GCNT2: variants seen among roughly 807,000 people sequenced by gnomAD.
GCNT2 encodes the protein N-acetyllactosaminide beta-1,6-N-acetylglucosaminyl-transferase.
GCNT2 carries 34 observed loss-of-function variants against 34.2 expected under a neutral mutation model. That is an observed-to-expected ratio of 1.00 (90% confidence interval 0.76 to 1.32). GCNT2 has a LOEUF of 1.32. Ranked by LOEUF, GCNT2 falls within the 40% of genes most tolerant of loss-of-function variation. The pLI is 0.00. For missense variants in GCNT2, 584 were observed against 489.4 expected (o/e 1.19, Z -1.82); for synonymous variants, 212 against 188.0 (o/e 1.13, Z -1.04).
intron 3 of GCNT2, among the ~76,000 whole-genome samples, chr6:10,535,535 A>G (rs1422008355): frequency 6.6e-6 from 1 of 150,444 alleles, no homozygotes; most frequent in Admixed American, 6.6e-5. Context: ...CTCCTGAGTT[A>G]TTATTGATCC....
At chr6:10,581,680 G>C (rs1764073645) in intron 3 of GCNT2, 1 of 849,768 alleles carries the variant, frequency 1.2e-6, no homozygotes, top group South Asian at 5.4e-5. Flanking sequence ...AGTTTGTTTT[G>C]CATTGGCACT....
chr6:10,556,093 C>A, intron 3 of GCNT2: 1 of 1,213,742 alleles, frequency 8.2e-7, no homozygotes, highest in Non-Finnish European at 1.0e-6. Flanking sequence ...CTAAATCTGC[C>A]GGGGGAAAGA....
intron 3 of GCNT2, among the ~76,000 whole-genome samples, chr6:10,549,589 T>G (rs1248484832): frequency 2.8e-5 from 3 of 108,506 alleles, no homozygotes; most frequent in Non-Finnish European, 3.7e-5. Context: ...TTTTTTTTTT[T>G]GAGACAGGGT....
At chr6:10,625,836 A>C (rs1474225398) in intron 4 of GCNT2, among the ~76,000 whole-genome samples, 2 of 152,228 alleles carry the variant, frequency 1.3e-5, no homozygotes, top group Non-Finnish European at 2.9e-5. Context: ...GATAAAGTTT[A>C]ATTTTTGAAG....
At chr6:10,612,554 C>A (rs915405118) in intron 3 of GCNT2, among the ~76,000 whole-genome samples, 1 of 152,142 alleles carries the variant, frequency 6.6e-6, no homozygotes, top group Non-Finnish European at 1.5e-5. Flanking sequence ...AAAAAGCGGT[C>A]TTTTCCACAG....
At chr6:10,557,302 T>C in intron 3 of GCNT2, 1 of 1,614,022 alleles carries the variant, frequency 6.2e-7, no homozygotes, top group Non-Finnish European at 8.5e-7. Context: ...ACACTTTCAG[T>C]CCTGATGAGC....
At chr6:10,547,049 A>G (rs1256063363) in intron 3 of GCNT2, among the ~76,000 whole-genome samples, 1 of 152,178 alleles carries the variant, frequency 6.6e-6, no homozygotes, top group African/African-American at 2.4e-5. Flanking sequence ...TTTATTTTAA[A>G]CTAGTTCAAA....
intron 3 of GCNT2, among the ~76,000 whole-genome samples, chr6:10,564,492 G>C (rs112371314): frequency 3.3e-5 from 5 of 152,180 alleles, no homozygotes; most frequent in Non-Finnish European, 7.3e-5. Flanking sequence ...GAGTCAGAGA[G>C]AACCAGGTTG....
At chr6:10,538,147 C>A (rs1248047757) in intron 3 of GCNT2, among the ~76,000 whole-genome samples, 1 of 151,842 alleles carries the variant, frequency 6.6e-6, no homozygotes, top group Non-Finnish European at 1.5e-5. Flanking sequence ...GTGGCTCACG[C>A]ATGTAATCCT....
intron 3 of GCNT2, among the ~76,000 whole-genome samples, chr6:10,581,230 A>G (rs944775400): frequency 2.6e-5 from 4 of 152,064 alleles, no homozygotes; most frequent in African/African-American, 7.2e-5. Context: ...AATGATGTAC[A>G]TGGTTTTGGG....
intron 3 of GCNT2, among the ~76,000 whole-genome samples, chr6:10,604,713 T>C (rs1197143345): frequency 6.6e-6 from 1 of 151,746 alleles, no homozygotes; most frequent in Non-Finnish European, 1.5e-5. Context: ...ATACAAAAAT[T>C]AGCCAGGCAC....
chr6:10,615,360 G>T (rs1765714867), intron 3 of GCNT2, among the ~76,000 whole-genome samples: 2 of 152,154 alleles, frequency 1.3e-5, no homozygotes. Flanking sequence ...TGTTACCCAG[G>T]CTAAAGTGCA....
chr6:10,523,142 A>G (rs539664), intron 1 of GCNT2, among the ~76,000 whole-genome samples: 2 of 152,150 alleles, frequency 1.3e-5, no homozygotes, highest in Non-Finnish European at 2.9e-5. Flanking sequence ...GCTTTCAGCC[A>G]GGCGCGGTGT....
At chr6:10,579,885 G>A (rs529240170) in intron 3 of GCNT2, among the ~76,000 whole-genome samples, 5 of 149,912 alleles carry the variant, frequency 3.3e-5, no homozygotes, top group Non-Finnish European at 4.4e-5. Flanking sequence ...TATAAATGCC[G>A]GTATCCTTAC....
intron 3 of GCNT2, among the ~76,000 whole-genome samples, chr6:10,541,118 C>T (rs1762018967): frequency 6.6e-6 from 1 of 152,184 alleles, no homozygotes; most frequent in Non-Finnish European, 1.5e-5. Context: ...CCATCACCTA[C>T]GTATTAAGCC....
intron 1 of GCNT2, among the ~76,000 whole-genome samples, chr6:10,523,695 G>A (rs1423814152): frequency 1.3e-5 from 2 of 152,014 alleles, no homozygotes; most frequent in African/African-American, 2.4e-5. Context: ...AACCAAGGCC[G>A]GGCGCTGTGG....
chr6:10,557,067 CA>C, intron 3 of GCNT2: 1 of 1,602,950 alleles, frequency 6.2e-7, no homozygotes, highest in South Asian at 1.1e-5. Flanking sequence ...AATATCACCC[CA>C]GGGGTGCTGC....
chr6:10,556,072 G>T, intron 3 of GCNT2: 1 of 1,188,070 alleles, frequency 8.4e-7, no homozygotes, highest in South Asian at 1.8e-5. Context: ...GAAAGAAAGA[G>T]ATATGGGAAA....
intron 3 of GCNT2, chr6:10,555,967 G>A: frequency 3.9e-6 from 4 of 1,032,048 alleles, no homozygotes; most frequent in Non-Finnish European, 4.7e-6. Flanking sequence ...AGCAGGAAGC[G>A]GCACGCCTGC....
Sources: allele counts gnomAD v4.1 joint callset (sites outside exome capture counted in the v4.1 genomes callset), GRCh38; gene constraint gnomAD v4.1.1; transcripts MANE v1.5; gene names NCBI Gene and HGNC (gene_info 2026-07-23, HGNC 2026-07-21).